The following ERBB4 variants were observed in gnomAD, a reference collection of about 807,000 sequenced individuals.
ERBB4 encodes receptor tyrosine-protein kinase erbB-4.
A neutral mutation model predicts 158.0 loss-of-function variants in ERBB4; 42 were observed. The ratio of observed to expected loss-of-function variants is 0.27; its 90% CI spans 0.21 to 0.34. The LOEUF is 0.34. ERBB4 is among the 10% of genes least tolerant of loss of function. The pLI is 1.00. For synonymous variants in ERBB4, 583 were observed against 558.7 expected (o/e 1.04, Z -0.61); for missense variants, 1,333 against 1,624.1 (o/e 0.82, Z 3.08).
At chr2:212,090,401 G>T (rs1013106054) in intron 2 of ERBB4, among the ~76,000 whole-genome samples, 1 of 152,036 alleles carries the variant, frequency 6.6e-6, no homozygotes, top group East Asian at 1.9e-4. Context: ...AAACTTTCAT[G>T]GCTCTATTTC....
intron 20 of ERBB4, among the ~76,000 whole-genome samples, chr2:211,517,513 A>C (rs1342212520): frequency 6.6e-6 from 1 of 152,150 alleles, no homozygotes; most frequent in Non-Finnish European, 1.5e-5. Flanking sequence ...TAAAAAAAGA[A>C]CATTTTTATG....
chr2:211,828,701 C>T (rs1395341448), intron 3 of ERBB4, among the ~76,000 whole-genome samples: 1 of 152,106 alleles, frequency 6.6e-6, no homozygotes, highest in Non-Finnish European at 1.5e-5. Context: ...GGTTCAGTCT[C>T]ATTATTTTAC....
chr2:211,592,142 G>T (rs1024147349), intron 19 of ERBB4, among the ~76,000 whole-genome samples: 12 of 152,188 alleles, frequency 7.9e-5, no homozygotes, highest in African/African-American at 2.9e-4. Context: ...AGTTCCAGAT[G>T]CAGGGGCTTT....
intron 1 of ERBB4, among the ~76,000 whole-genome samples, chr2:212,419,210 T>C (rs2091733980): frequency 6.6e-6 from 1 of 151,808 alleles, no homozygotes; most frequent in South Asian, 2.1e-4. Flanking sequence ...AAAATTAGTG[T>C]TTTTCAGACC....
intron 1 of ERBB4, among the ~76,000 whole-genome samples, chr2:212,458,165 G>A (rs570058161): frequency 6.6e-6 from 1 of 152,116 alleles, no homozygotes; most frequent in Admixed American, 6.6e-5. Context: ...TAAAAACAAA[G>A]CAGAAACATT....
At chr2:212,385,144 T>G (rs189424593) in intron 1 of ERBB4, among the ~76,000 whole-genome samples, 57 of 151,878 alleles carry the variant, frequency 3.8e-4, no homozygotes, top group African/African-American at 1.3e-3. Flanking sequence ...TCAGCTGTGA[T>G]GGATCTCAGG....
intron 1 of ERBB4, among the ~76,000 whole-genome samples, chr2:212,386,497 A>G (rs1016855034): frequency 6.6e-6 from 1 of 151,856 alleles, no homozygotes; most frequent in African/African-American, 2.4e-5. Flanking sequence ...ACAATTAGAA[A>G]GCTACCTATT....
intron 3 of ERBB4, among the ~76,000 whole-genome samples, chr2:211,908,978 T>C (rs1016943361): frequency 6.6e-6 from 1 of 151,680 alleles, no homozygotes; most frequent in Admixed American, 6.6e-5. Flanking sequence ...AACTGGTTTC[T>C]TATATGTAAC....
intron 3 of ERBB4, among the ~76,000 whole-genome samples, chr2:211,791,972 A>C (rs2076288320): frequency 6.6e-6 from 1 of 151,730 alleles, no homozygotes; most frequent in African/African-American, 2.4e-5. Context: ...TAGTATTTGT[A>C]GCTGAGATAT....
At chr2:211,989,500 TATA>T (rs1559260265) in intron 2 of ERBB4, among the ~76,000 whole-genome samples, 1 of 151,898 alleles carries the variant, frequency 6.6e-6, no homozygotes, top group Non-Finnish European at 1.5e-5. Context: ...ATTTTATTCA[TATA>T]ATATTTCTTC....
chr2:212,458,639 T>C (rs1201767400), intron 1 of ERBB4, among the ~76,000 whole-genome samples: 1 of 151,028 alleles, frequency 6.6e-6, no homozygotes, highest in Admixed American at 6.6e-5. Context: ...AAAAAAAAAA[T>C]CATTCGAGCA....
intron 1 of ERBB4, among the ~76,000 whole-genome samples, chr2:212,142,133 G>C (rs780951906): frequency 1.4e-4 from 22 of 152,122 alleles, no homozygotes; most frequent in South Asian, 4.1e-4. Context: ...TTTATCTTGT[G>C]TACCAGTAAC....
At chr2:211,789,330 T>C (rs891928317) in intron 3 of ERBB4, among the ~76,000 whole-genome samples, 18 of 152,156 alleles carry the variant, frequency 1.2e-4, no homozygotes, top group Non-Finnish European at 2.5e-4. Flanking sequence ...CAGATATTAG[T>C]TCAGCTGTTC....
intron 15 of ERBB4, among the ~76,000 whole-genome samples, chr2:211,662,295 C>T (rs567250305): frequency 5.5e-4 from 84 of 151,962 alleles, no homozygotes; most frequent in African/African-American, 1.9e-3. Flanking sequence ...CATCCTTGCC[C>T]TCCCCACAAT....
chr2:212,335,017 T>G (rs2088361324), intron 1 of ERBB4, among the ~76,000 whole-genome samples: 1 of 152,012 alleles, frequency 6.6e-6, no homozygotes, highest in South Asian at 2.1e-4. Context: ...AAATGCTGTC[T>G]TTTAATTTAA....
intron 3 of ERBB4, among the ~76,000 whole-genome samples, chr2:211,843,011 T>C (rs1019079695): frequency 2.6e-5 from 4 of 152,130 alleles, no homozygotes; most frequent in Admixed American, 6.6e-5. Context: ...AATGGAATAG[T>C]TGATGTTTAT....
At chr2:212,014,674 A>G (rs1193722490) in intron 2 of ERBB4, among the ~76,000 whole-genome samples, 1 of 152,088 alleles carries the variant, frequency 6.6e-6, no homozygotes, top group Non-Finnish European at 1.5e-5. Context: ...ACATGGAGAC[A>G]TAGCCTCTTT....
chr2:212,362,102 T>C (rs1241953505), intron 1 of ERBB4, among the ~76,000 whole-genome samples: 1 of 151,586 alleles, frequency 6.6e-6, no homozygotes, highest in Non-Finnish European at 1.5e-5. Flanking sequence ...TTATAATAAA[T>C]ATTTAGTTTT....
chr2:212,073,248 A>G (rs1411099613), intron 2 of ERBB4, among the ~76,000 whole-genome samples: 6 of 152,054 alleles, frequency 3.9e-5, no homozygotes, highest in Admixed American at 2.6e-4. Context: ...TATCTTGAGA[A>G]TAACTGGAGG....
Sources: gnomAD v4.1 joint callset for allele counts (sites outside exome capture counted in the v4.1 genomes callset) on GRCh38, gnomAD v4.1.1 for gene constraint, MANE v1.5 for transcripts, NCBI Gene and HGNC (gene_info 2026-07-23, HGNC 2026-07-21) for gene names.